ANKS1B: variants seen among roughly 807,000 people sequenced by gnomAD.
ANKS1B encodes ankyrin repeat and sterile alpha motif domain containing 1B.
A neutral mutation model predicts 148.3 loss-of-function variants in ANKS1B; 36 were observed. The ratio of observed to expected loss-of-function variants is 0.24; its 90% CI spans 0.19 to 0.32. ANKS1B has a LOEUF of 0.32. Among genes scored for constraint, ANKS1B ranks in the 10% least tolerant of loss-of-function variants. The pLI is 1.00. For synonymous variants in ANKS1B, 542 were observed against 560.8 expected, an observed-to-expected ratio of 0.97 and a Z score of 0.47; for missense variants, 1,157 against 1,542.6, an observed-to-expected ratio of 0.75 and a Z score of 4.19.
intron 17 of ANKS1B, among the ~76,000 whole-genome samples, chr12:98,913,443 G>T (rs2099789488): frequency 6.6e-6 from 1 of 152,028 alleles, no homozygotes; most frequent in Non-Finnish European, 1.5e-5. Flanking sequence ...ATCCTCCAAG[G>T]TGCAGCTCGT....
intron 1 of ANKS1B, among the ~76,000 whole-genome samples, chr12:99,969,945 G>C (rs190352149): frequency 6.6e-6 from 1 of 152,194 alleles, no homozygotes; most frequent in East Asian, 1.9e-4. Context: ...GGAAGACATT[G>C]CAAGACTTGT....
chr12:98,828,922 T>A (rs2099272603), intron 19 of ANKS1B, among the ~76,000 whole-genome samples: 2 of 152,210 alleles, frequency 1.3e-5, no homozygotes, highest in Admixed American at 6.5e-5. Flanking sequence ...GGGCAAAGAC[T>A]TTCTGGGTGC....
chr12:99,832,733 AAGAG>A (rs543241140), intron 1 of ANKS1B, among the ~76,000 whole-genome samples: 216 of 150,908 alleles, frequency 1.4e-3, no homozygotes, highest in African/African-American at 4.9e-3. Flanking sequence ...TTAAAAAAAA[AAGAG>A]AGAGAGAGAG....
At chr12:99,646,507 A>G (rs531551515) in intron 9 of ANKS1B, among the ~76,000 whole-genome samples, 1 of 152,064 alleles carries the variant, frequency 6.6e-6, no homozygotes, top group African/African-American at 2.4e-5. Context: ...AATACAAATT[A>G]GCCGGGCGTG....
At chr12:99,807,852 G>C (rs1317526264) in intron 3 of ANKS1B, among the ~76,000 whole-genome samples, 2 of 151,898 alleles carry the variant, frequency 1.3e-5, no homozygotes, top group Admixed American at 6.6e-5. Context: ...TCCAAAATAG[G>C]AACTATTACT....
chr12:99,813,600 T>G (rs1298271284), intron 2 of ANKS1B, among the ~76,000 whole-genome samples: 1 of 151,494 alleles, frequency 6.6e-6, no homozygotes, highest in African/African-American at 2.4e-5. Context: ...TGATACAAAA[T>G]TATGGTAAAT....
intron 14 of ANKS1B, among the ~76,000 whole-genome samples, chr12:99,213,474 T>G (rs961087666): frequency 9.2e-4 from 140 of 152,242 alleles, no homozygotes; most frequent in African/African-American, 3.2e-3. Flanking sequence ...CTGTCAGACT[T>G]GCTAATTGAA....
At position 99,902,285 on chromosome 12, in the gene ANKS1B, G is replaced by C. The variant is rs143193446; in HGVS notation, c.135-76896C>G. Among the ~76,000 whole-genome samples the C allele has an allele frequency of 4.0e-4, 61 of 152,258 alleles. 1 individual carries two copies. The highest frequency in any genetic ancestry group is 1.4e-3 in the African/African-American group (58 of 41,546). ...ACTGGAAGATCATTCCAGGAAGAGGGAAAGCCAGAGGAAGAAAAGAGCTTG... is the reference window on the plus strand; with the variant it reads ...ACTGGAAGATCATTCCAGGAAGAGGCAAAGCCAGAGGAAGAAAAGAGCTTG... On this transcript the variant is annotated intron_variant, in intron 1 of 26. Coordinates refer to ENST00000683438, the MANE Select transcript of ANKS1B (RefSeq NM_001352186.2).
At chr12:99,560,801 C>T (rs1424624785) in intron 9 of ANKS1B, among the ~76,000 whole-genome samples, 1 of 146,648 alleles carries the variant, frequency 6.8e-6, no homozygotes, top group Non-Finnish European at 1.5e-5. Flanking sequence ...GTGGTGGTTG[C>T]TGAAGATTGG....
intron 15 of ANKS1B, among the ~76,000 whole-genome samples, chr12:99,137,111 C>T (rs2068365404): frequency 6.6e-6 from 1 of 152,154 alleles, no homozygotes; most frequent in Non-Finnish European, 1.5e-5. Context: ...AGCAGAGAAG[C>T]CTTAATTTTT....
At chr12:99,973,885 A>G (rs2095592855) in intron 1 of ANKS1B, among the ~76,000 whole-genome samples, 1 of 152,236 alleles carries the variant, frequency 6.6e-6, no homozygotes, top group Admixed American at 6.5e-5. Flanking sequence ...CATTGCTGAA[A>G]CATCAACAAA....
chr12:99,930,670 G>C lies in ANKS1B; in HGVS notation c.134+53434C>G, dbSNP rs191851366. On this transcript the variant is annotated intron_variant, in intron 1 of 26. Transcript: ENST00000683438. ...ACCATCTCACACCAGTTAGAATGGC[G>C]ATCATTAAAAAGTCAGGAAACAACA... Among the ~76,000 whole-genome samples, 194 of 152,162 alleles carry C rather than the reference G, an allele frequency of 1.3e-3. 1 individual carries two copies. Among genetic ancestry groups the C allele is most frequent in the African/African-American group, 4.3e-3 (177 of 41,510 alleles).
chr12:99,872,630 GC>G (rs988162280), intron 1 of ANKS1B, among the ~76,000 whole-genome samples: 1 of 152,068 alleles, frequency 6.6e-6, no homozygotes, highest in Non-Finnish European at 1.5e-5. Context: ...ATTTCATTAA[GC>G]TTTCTGAAAT....
intron 9 of ANKS1B, among the ~76,000 whole-genome samples, chr12:99,630,714 T>C (rs763846505): frequency 3.9e-5 from 6 of 152,220 alleles, no homozygotes; most frequent in South Asian, 2.1e-4. Flanking sequence ...TTCTCACTTA[T>C]TCCCTTTCCT....
At chr12:99,548,978 C>A (rs751386158) in intron 9 of ANKS1B, among the ~76,000 whole-genome samples, 1 of 152,052 alleles carries the variant, frequency 6.6e-6, no homozygotes, top group Non-Finnish European at 1.5e-5. Context: ...TGGAGAACTG[C>A]CATGGGGACA....
intron 22 of ANKS1B, among the ~76,000 whole-genome samples, chr12:98,798,623 C>T (rs947820920): frequency 3.9e-5 from 6 of 152,092 alleles, no homozygotes; most frequent in Middle Eastern, 3.4e-3. Context: ...CTATTCAGTG[C>T]GTGCTTAAAA....
At chr12:99,950,112 AATT>A (rs1407858677) in intron 1 of ANKS1B, among the ~76,000 whole-genome samples, 6 of 111,102 alleles carry the variant, frequency 5.4e-5, no homozygotes, top group African/African-American at 2.4e-4. Context: ...ATGCTCAGTT[AATT>A]TTTTTTTTTT....
chr12:99,903,784 C>T (rs190616164), intron 1 of ANKS1B, among the ~76,000 whole-genome samples: 1 of 152,120 alleles, frequency 6.6e-6, no homozygotes, highest in African/African-American at 2.4e-5. Flanking sequence ...GAATGTGGTG[C>T]AGTGTATACT....
intron 3 of ANKS1B, among the ~76,000 whole-genome samples, chr12:99,809,948 A>G (rs2068123019): frequency 6.6e-6 from 1 of 152,066 alleles, no homozygotes; most frequent in Non-Finnish European, 1.5e-5. Flanking sequence ...TATCTCTCTA[A>G]GGCTGTAACT....
Sources: gnomAD v4.1 joint callset for allele counts (sites outside exome capture counted in the v4.1 genomes callset) on GRCh38, gnomAD v4.1.1 for gene constraint, MANE v1.5 for transcripts, NCBI Gene and HGNC (gene_info 2026-07-23, HGNC 2026-07-21) for gene names.